The following PDE11A variants were observed in gnomAD, a reference collection of about 807,000 sequenced individuals.
The protein encoded by PDE11A is dual 3',5'-cyclic-AMP and -GMP phosphodiesterase 11A.
In PDE11A, 100 loss-of-function variants were observed where a neutral mutation model predicts 100.5. That is an observed-to-expected ratio of 1.00 (90% confidence interval 0.85 to 1.18). The LOEUF is 1.18. PDE11A is among the 50% of genes most tolerant of loss of function. The pLI is 0.00. For missense variants in PDE11A, 1,141 were observed against 1,152.6 expected (o/e 0.99, Z 0.15); for synonymous variants, 381 against 420.8 (o/e 0.91, Z 1.16).
intron 2 of PDE11A, among the ~76,000 whole-genome samples, chr2:178,081,010 T>C (rs1164870274): frequency 2.0e-5 from 3 of 152,122 alleles, no homozygotes; most frequent in Non-Finnish European, 2.9e-5. Flanking sequence ...TATATCAAAA[T>C]TAAAGGTAGT....
At chr2:177,790,058 C>A (rs1363383095) in intron 9 of PDE11A, among the ~76,000 whole-genome samples, 2 of 152,000 alleles carry the variant, frequency 1.3e-5, no homozygotes, top group Admixed American at 6.6e-5. Context: ...TCATATGGAA[C>A]CAAAAAGAGC....
chr2:177,677,238 G>C (rs961375368), intron 16 of PDE11A, among the ~76,000 whole-genome samples: 1 of 152,166 alleles, frequency 6.6e-6, no homozygotes, highest in African/African-American at 2.4e-5. Flanking sequence ...TTATTGGGAA[G>C]TCTCCACAGG....
At chr2:177,944,298 G>C (rs1317534956) in intron 2 of PDE11A, among the ~76,000 whole-genome samples, 1 of 152,140 alleles carries the variant, frequency 6.6e-6, no homozygotes, top group East Asian at 1.9e-4. Flanking sequence ...AGAGGATATG[G>C]AAAATATAAC....
chr2:177,839,925 G>A (rs2083462253), intron 6 of PDE11A, among the ~76,000 whole-genome samples: 1 of 152,104 alleles, frequency 6.6e-6, no homozygotes, highest in African/African-American at 2.4e-5. Flanking sequence ...TTTCTTGGGA[G>A]CAATTTTTAT....
In PDE11A at chr2:177,941,223, T is replaced by G. The variant is rs572664406; in HGVS notation, c.1072-36036A>C. Among the ~76,000 whole-genome samples the G allele has an allele frequency of 3.9e-5, 6 of 152,344 alleles. No individual in the cohort carries two copies. In the South Asian group the frequency reaches 1.0e-3, roughly 26 times the overall value. On this transcript the variant is annotated intron_variant, in intron 2 of 19. Coordinates refer to ENST00000286063, the MANE Select transcript of PDE11A (RefSeq NM_016953.4). Reference sequence around the variant, plus strand: ...TTTGACAGACTAGGAAACTGTGGCTTGAAGACATCAGGCAGCTTGCCCTAA... The same window carrying G: ...TTTGACAGACTAGGAAACTGTGGCTGGAAGACATCAGGCAGCTTGCCCTAA...
At chr2:178,043,928 A>G (rs1048318286) in intron 1 of PDE11A, among the ~76,000 whole-genome samples, 1 of 152,164 alleles carries the variant, frequency 6.6e-6, no homozygotes, top group Non-Finnish European at 1.5e-5. Flanking sequence ...AAGAGTTAGC[A>G]ATTTGTCCTC....
intron 2 of PDE11A, 40 bp downstream of exon 2, chr2:178,014,262 A>G (rs763398770): frequency 1.1e-5 from 16 of 1,499,454 alleles, no homozygotes; most frequent in Non-Finnish European, 1.4e-5. Flanking sequence ...ATCAATGACC[A>G]AGAAGAAAAG....
At chr2:177,656,787 CTTGGGCTGG>C (rs1412667475) in intron 19 of PDE11A, among the ~76,000 whole-genome samples, 1 of 152,228 alleles carries the variant, frequency 6.6e-6, no homozygotes, top group Non-Finnish European at 1.5e-5. Flanking sequence ...GAAGTCACAG[CTTGGGCTGG>C]TGTCTTCCAG....
chr2:178,018,377 A>ACTTGACTTTAACTTGGCATG (rs1553501020), intron 1 of PDE11A: 3 of 478,416 alleles, frequency 6.3e-6, no homozygotes, highest in African/African-American at 4.0e-5. Flanking sequence ...CTTTTGGCAC[A>ACTTGACTTTAACTTGGCATG]CTTGACTTTA....
chr2:178,072,868 C>A (rs1173203771), upstream of PDE11A: 10 of 1,143,956 alleles, frequency 8.7e-6, no homozygotes, highest in South Asian at 4.1e-5. Flanking sequence ...GAGGAGGGAG[C>A]CGCGGACGCC....
intron 12 of PDE11A, among the ~76,000 whole-genome samples, chr2:177,716,350 G>A (rs1383564297): frequency 6.6e-6 from 1 of 152,110 alleles, no homozygotes; most frequent in Non-Finnish European, 1.5e-5. Context: ...AGTCTCGTTA[G>A]GTGCTGGGGG....
Position 177,663,957 on chromosome 2 carries a change from G to A in PDE11A, c.2563-8C>T. The stretch of plus-strand genomic sequence containing the variant: ...GTTCCGATCAAAAATTGCCTAGAAT[G>A]GGGGGCAGGAAGAACCTCGCTTTAT... On this transcript the variant is annotated splice_polypyrimidine_tract_variant and splice_region_variant and intron_variant, in intron 18 of 19. Coordinates refer to ENST00000286063, the MANE Select transcript of PDE11A (RefSeq NM_016953.4). 1.3e-6 allele frequency: 2 copies of A among 1,593,280 alleles called. No homozygotes were observed. The highest frequency in any genetic ancestry group is 2.2e-5 in the East Asian group (1 of 44,792).
intron 2 of PDE11A, among the ~76,000 whole-genome samples, chr2:178,080,463 C>A (rs531976205): frequency 5.9e-4 from 89 of 152,128 alleles, no homozygotes; most frequent in Non-Finnish European, 1.1e-3. Flanking sequence ...TGTAGGTGTG[C>A]AGTCTTATTT....
chr2:177,664,936 T>C (rs1433033355), intron 18 of PDE11A, among the ~76,000 whole-genome samples: 1 of 152,168 alleles, frequency 6.6e-6, no homozygotes, highest in African/African-American at 2.4e-5. Flanking sequence ...AGGAAAATCC[T>C]GCATCGTTCA....
chr2:178,051,875 G>A (rs2086832432), intron 1 of PDE11A, among the ~76,000 whole-genome samples: 1 of 152,108 alleles, frequency 6.6e-6, no homozygotes, highest in South Asian at 2.1e-4. Flanking sequence ...AGTCCTTAGA[G>A]ACCTACAAAG....
intron 5 of PDE11A, among the ~76,000 whole-genome samples, chr2:177,848,516 G>C (rs1281810836): frequency 1.3e-5 from 2 of 152,178 alleles, no homozygotes; most frequent in South Asian, 2.1e-4. Context: ...AGGTTTTTAA[G>C]TGAGTTTCAC....
In PDE11A at chr2:178,072,654, C is replaced by A; in HGVS notation, c.-217G>T. ...GACCCCACCCCGTGGTCCTGCTACT[C>A]CTGCTCCGCACAGGTGCCCAGCACT... is the stretch of plus-strand genomic sequence containing the variant. On this transcript the variant is annotated 5_prime_UTR_variant, in exon 1 of 20. Transcript: ENST00000286063. The A allele has an allele frequency of 1.4e-6, 2 of 1,461,344 alleles. No homozygotes were observed. Among genetic ancestry groups the A allele is most frequent in the African/African-American group, 1.4e-5 (1 of 71,182 alleles). The allele number at this position is 1,461,344 out of a possible 1,614,324, so 90.5% of individuals were successfully genotyped here.
rs746650054 is a variant in PDE11A, at chr2:178,014,369, A to G, written c.1004T>C (p.Ile335Thr). 2.5e-6 allele frequency: 4 copies of G among 1,612,198 alleles called. No individual in the cohort carries two copies. In the South Asian group the frequency reaches 4.4e-5, roughly 18 times the overall value. Reference protein sequence around the residue: ...CMPIRSSDGEIIGVAQAINKI... With the variant: ...CMPIRSSDGETIGVAQAINKI... ...ATTTATCGCTTGGGCCACACCAATA[A>G]TCTCACCATCACTGCTTCGGATAGG... The change falls in exon 2 of 20, where the codon ATT (isoleucine) becomes ACT (threonine). Residue 335 changes from isoleucine to threonine, a missense_variant. Coordinates refer to ENST00000286063, the MANE Select transcript of PDE11A (RefSeq NM_016953.4).
intron 2 of PDE11A, among the ~76,000 whole-genome samples, chr2:177,941,948 T>A (rs2085350652): frequency 6.6e-6 from 1 of 152,216 alleles, no homozygotes; most frequent in South Asian, 2.1e-4. Context: ...CTAGTTGAGA[T>A]AAGCTCAGGG....
Sources: gnomAD v4.1 joint callset for allele counts (sites outside exome capture counted in the v4.1 genomes callset) on GRCh38, gnomAD v4.1.1 for gene constraint, MANE v1.5 for transcripts, NCBI Gene and HGNC (gene_info 2026-07-23, HGNC 2026-07-21) for gene names.